Variants in DCC observed in about 807,000 individuals in gnomAD.
The protein encoded by DCC is netrin receptor DCC.
DCC carries 58 observed loss-of-function variants against 172.5 expected under a neutral mutation model. The ratio of observed to expected loss-of-function variants is 0.34; its 90% CI spans 0.27 to 0.42. The LOEUF (loss-of-function observed/expected upper bound fraction) is 0.42. Among genes scored for constraint, DCC ranks in the 10% least tolerant of loss-of-function variants. The pLI, the probability that DCC is intolerant of heterozygous loss-of-function variation, is 1.00. For synonymous variants in DCC, 709 were observed against 644.5 expected, an observed-to-expected ratio of 1.10 and a Z score of -1.52; for missense variants, 1,740 against 1,791.0, an observed-to-expected ratio of 0.97 and a Z score of 0.51.
intron 27 of DCC, among the ~76,000 whole-genome samples, chr18:53,515,065 C>A (rs1256469339): frequency 8.6e-5 from 13 of 151,970 alleles, no homozygotes; most frequent in Admixed American, 5.9e-4. Flanking sequence ...ATACTGGCAA[C>A]ACGAATCCAG....
chr18:53,477,641 C>A (rs755511459), intron 25 of DCC, among the ~76,000 whole-genome samples: 10 of 152,118 alleles, frequency 6.6e-5, no homozygotes, highest in Non-Finnish European at 1.3e-4. Context: ...AAAATGTTAA[C>A]AGATAAAACA....
chr18:53,380,269 T>C (rs1237903197), intron 15 of DCC, among the ~76,000 whole-genome samples: 1 of 152,142 alleles, frequency 6.6e-6, no homozygotes, highest in Non-Finnish European at 1.5e-5. Flanking sequence ...TGCTCTCCAG[T>C]GGCACAGTGG....
chr18:53,009,102 C>G (rs2041690086), intron 5 of DCC, among the ~76,000 whole-genome samples: 1 of 151,764 alleles, frequency 6.6e-6, no homozygotes, highest in Non-Finnish European at 1.5e-5. Flanking sequence ...ACCACAATAT[C>G]CTAATTTCAC....
rs908171227 is a variant in DCC, at chr18:53,298,514, A to G, written c.1912-7064A>G. On this transcript the variant is annotated intron_variant, in intron 12 of 28. Transcript: ENST00000442544. ...CTGCACTCCAGCCTGGATGACACAGAGAGACCCTGACTCAAAAAAAAAAAA... is the reference window on the plus strand; with the variant it reads ...CTGCACTCCAGCCTGGATGACACAGGGAGACCCTGACTCAAAAAAAAAAAA... 2.4e-5 allele frequency among the ~76,000 whole-genome samples: 3 copies of G among 126,620 alleles called. No individual in the cohort carries two copies. In the East Asian group the frequency reaches 8.2e-4, roughly 35 times the overall value. 83.1% of individuals were successfully genotyped at this position (126,620 alleles called of 152,430 possible).
chr18:53,101,050 G>C (rs1318116766), intron 7 of DCC, among the ~76,000 whole-genome samples: 1 of 152,054 alleles, frequency 6.6e-6, no homozygotes, highest in Admixed American at 6.6e-5. Context: ...TTATTTGGAT[G>C]GCTGTCTTTT....
chr18:52,575,515 ATTCT>A (rs1674429668), intron 1 of DCC, among the ~76,000 whole-genome samples: 1 of 152,182 alleles, frequency 6.6e-6, no homozygotes, highest in Non-Finnish European at 1.5e-5. Context: ...AAATTTTCTT[ATTCT>A]TTCTTAAGAT....
chr18:53,478,602 G>A (rs900015914), intron 25 of DCC, among the ~76,000 whole-genome samples: 2 of 152,158 alleles, frequency 1.3e-5, no homozygotes, highest in Non-Finnish European at 2.9e-5. Context: ...GTCTCAAAAA[G>A]GTAGCCTGAA....
At chr18:52,524,719 C>G (rs2031926284) in intron 1 of DCC, among the ~76,000 whole-genome samples, 1 of 152,098 alleles carries the variant, frequency 6.6e-6, no homozygotes, top group African/African-American at 2.4e-5. Flanking sequence ...TTTGAGTATG[C>G]CTGCTGTTCA....
chr18:52,975,435 T>G (rs1235288699), intron 5 of DCC, among the ~76,000 whole-genome samples: 4 of 152,160 alleles, frequency 2.6e-5, no homozygotes, highest in Non-Finnish European at 4.4e-5. Flanking sequence ...CATGGGGGGT[T>G]GTTGTACTGA....
chr18:53,527,894 G>A (rs1183220288), intron 28 of DCC, among the ~76,000 whole-genome samples: 2 of 151,968 alleles, frequency 1.3e-5, no homozygotes. Context: ...GATGAAAAGA[G>A]CAGATTAAAA....
chr18:52,864,193 T>C (rs921944755), intron 2 of DCC, among the ~76,000 whole-genome samples: 3 of 152,216 alleles, frequency 2.0e-5, no homozygotes, highest in African/African-American at 7.2e-5. Flanking sequence ...GTGGAACAAC[T>C]TAAAATTTAT....
At chr18:52,501,128 C>G (rs904360073) in intron 1 of DCC, among the ~76,000 whole-genome samples, 3 of 152,034 alleles carry the variant, frequency 2.0e-5, no homozygotes, top group African/African-American at 2.4e-5. Context: ...AATCTTCGCA[C>G]GTTGGTAATT....
chr18:53,174,285 C>A (rs2055056695), intron 8 of DCC, among the ~76,000 whole-genome samples: 1 of 144,560 alleles, frequency 6.9e-6, no homozygotes. Flanking sequence ...AAAGCAAGAG[C>A]AAACACATTC....
intron 2 of DCC, among the ~76,000 whole-genome samples, chr18:52,762,481 AAAAAC>A (rs1261353173): frequency 6.6e-6 from 1 of 151,938 alleles, no homozygotes. Context: ...TCAAAAAAAA[AAAAAC>A]AAACATTTTT....
chr18:53,107,610 C>T (rs2043270120), intron 7 of DCC, among the ~76,000 whole-genome samples: 1 of 150,786 alleles, frequency 6.6e-6, no homozygotes, highest in Non-Finnish European at 1.5e-5. Flanking sequence ...GTTTTTCTCC[C>T]TCAATCAGAA....
chr18:53,020,333 A>T (rs2143915614), intron 5 of DCC, among the ~76,000 whole-genome samples: 1 of 152,260 alleles, frequency 6.6e-6, no homozygotes, highest in Admixed American at 6.5e-5. Flanking sequence ...TAAAATTGCA[A>T]CATATTGCAG....
At chr18:53,298,181 G>T (rs139124607) in intron 12 of DCC, among the ~76,000 whole-genome samples, 2 of 152,118 alleles carry the variant, frequency 1.3e-5, no homozygotes, top group East Asian at 3.9e-4. Context: ...TTTACACTTG[G>T]TAGACATACT....
chr18:52,991,674 C>A (rs2041394259), intron 5 of DCC, among the ~76,000 whole-genome samples: 2 of 152,152 alleles, frequency 1.3e-5, no homozygotes, highest in Admixed American at 1.3e-4. Context: ...CTGCAGGATG[C>A]TTCCTGCTTA....
At position 52,865,681 on chromosome 18, in the gene DCC, C is replaced by T. The variant is rs1422831347; in HGVS notation, c.413-40363C>T. ...AGAAGGGTCTGTTCATACCCTTCACCCACTTTATGATGGGGTTGTTTTTTT... is the reference window on the plus strand; with the variant it reads ...AGAAGGGTCTGTTCATACCCTTCACTCACTTTATGATGGGGTTGTTTTTTT... On this transcript the variant is annotated intron_variant, in intron 2 of 28. Coordinates refer to ENST00000442544, the MANE Select transcript of DCC (RefSeq NM_005215.4). Among the ~76,000 whole-genome samples, 6 of 152,012 alleles carry T rather than the reference C, an allele frequency of 3.9e-5. 1 individual carries two copies. In the South Asian group the frequency reaches 1.3e-3, roughly 32 times the overall value.
Sources: gnomAD v4.1 joint callset for allele counts (sites outside exome capture counted in the v4.1 genomes callset) on GRCh38, gnomAD v4.1.1 for gene constraint, MANE v1.5 for transcripts, NCBI Gene and HGNC (gene_info 2026-07-23, HGNC 2026-07-21) for gene names.